VRK1: variants seen among roughly 807,000 people sequenced by gnomAD.
VRK1 encodes VRK serine/threonine kinase 1, also known as serine/threonine-protein kinase VRK1.
A neutral mutation model predicts 57.1 loss-of-function variants in VRK1; 33 were observed. That is an observed-to-expected ratio of 0.58 (90% CI 0.44 to 0.77). VRK1 has a LOEUF of 0.77. VRK1 is among the 30% of genes least tolerant of loss of function. VRK1 has a pLI of 0.00. For missense variants in VRK1, 413 were observed against 477.3 expected (o/e 0.87, Z 1.25); for synonymous variants, 137 against 147.8 (o/e 0.93, Z 0.53).
chr14:96,844,733 G>T (rs374110218), intron 3 of VRK1, among the ~76,000 whole-genome samples: 4 of 152,148 alleles, frequency 2.6e-5, no homozygotes, highest in African/African-American at 9.6e-5. Context: ...GTAGAGATGG[G>T]GTTTCACCAT....
At chr14:96,873,132 T>A (rs1336193086) in intron 11 of VRK1, among the ~76,000 whole-genome samples, 1 of 152,190 alleles carries the variant, frequency 6.6e-6, no homozygotes, top group East Asian at 1.9e-4. Context: ...GATTGGCTTT[T>A]CTTAGAAGCT....
chr14:96,824,401 A>G (rs1886719766), intron 1 of VRK1, among the ~76,000 whole-genome samples: 1 of 152,238 alleles, frequency 6.6e-6, no homozygotes, highest in Non-Finnish European at 1.5e-5. Flanking sequence ...GAAAGAAAGA[A>G]TGAGCAGTGT....
chr14:96,847,694 A>C (rs1411677889), intron 5 of VRK1, among the ~76,000 whole-genome samples: 1 of 152,204 alleles, frequency 6.6e-6, no homozygotes, highest in East Asian at 1.9e-4. Flanking sequence ...TCTGTTCTTC[A>C]TGCAAAAGGG....
In VRK1 at chr14:96,876,109, C is replaced by G; in HGVS notation, c.1148C>G (p.Ala383Gly). ...TEWSNTQTEEAIQTRSRTRKR... is the reference protein window; with the variant it reads ...TEWSNTQTEEGIQTRSRTRKR... ...TGGTCAAACACACAGACAGAGGAGG[C>G]CATACAGACCCGTAAGTTGAACAGT... The change falls in exon 12 of 13, where the codon GCC (alanine) becomes GGC (glycine). Residue 383 changes from alanine (A) to glycine (G), a missense_variant. Physicochemically the swap from Ala to Gly is moderately conservative, Grantham distance 60. Transcript: ENST00000216639. The G allele has an allele frequency of 6.2e-7, 1 of 1,613,514 alleles. No homozygotes were observed. Among genetic ancestry groups the G allele is most frequent in the African/African-American group, 1.3e-5 (1 of 75,024 alleles).
chr14:96,852,769 C>A, intron 5 of VRK1, 62 bp from the exon 6 acceptor site: 1 of 1,173,302 alleles, frequency 8.5e-7, no homozygotes, highest in Non-Finnish European at 1.3e-6. Context: ...TGAGAGTACT[C>A]ATTACAAAGT....
intron 1 of VRK1, among the ~76,000 whole-genome samples, chr14:96,797,714 A>G (rs897892502): frequency 3.3e-5 from 5 of 152,114 alleles, no homozygotes; most frequent in Non-Finnish European, 4.4e-5. Flanking sequence ...GCCGGCCCCC[A>G]TCTGAGCTCC....
At chr14:96,832,063 C>T (rs186530000) in intron 1 of VRK1, among the ~76,000 whole-genome samples, 2 of 152,032 alleles carry the variant, frequency 1.3e-5, no homozygotes, top group African/African-American at 4.8e-5. Flanking sequence ...TTTTTGTTAA[C>T]TTAGAGAAGA....
chr14:96,832,083 C>T (rs145329105), intron 1 of VRK1, among the ~76,000 whole-genome samples: 4 of 150,856 alleles, frequency 2.7e-5, no homozygotes, highest in Non-Finnish European at 5.9e-5. Context: ...ATTTAGACAG[C>T]GAAGATGCAT....
At chr14:96,863,405 G>T (rs1888464122) in intron 11 of VRK1, among the ~76,000 whole-genome samples, 1 of 152,138 alleles carries the variant, frequency 6.6e-6, no homozygotes, top group Admixed American at 6.5e-5. Context: ...AATGACATGT[G>T]GTCCCATTCT....
rs1887997522 is a variant in VRK1, at chr14:96,852,689, T to G, written c.375-142T>G. 5 of 706,492 alleles carry G rather than the reference T, an allele frequency of 7.1e-6. No homozygotes were observed. In the South Asian group the frequency reaches 8.0e-5, roughly 11 times the overall value. The allele number at this position is 706,492 out of a possible 1,614,324, so 43.8% of individuals were successfully genotyped here. ...TTTGAGATTTCTAGTTGGGAGAAATTGTTTCAAATGTTTGTATTTCTTTTT... is the reference window on the plus strand; with the variant it reads ...TTTGAGATTTCTAGTTGGGAGAAATGGTTTCAAATGTTTGTATTTCTTTTT... On this transcript the variant is annotated intron_variant, in intron 5 of 12. Transcript: ENST00000216639.
At chr14:96,858,605 A>G (rs1888261221) in intron 10 of VRK1, among the ~76,000 whole-genome samples, 1 of 152,056 alleles carries the variant, frequency 6.6e-6, no homozygotes, top group African/African-American at 2.4e-5. Context: ...TCCTATCCCC[A>G]TATTTATATC....
intron 3 of VRK1, among the ~76,000 whole-genome samples, chr14:96,843,398 A>G (rs1887546096): frequency 6.6e-6 from 1 of 152,208 alleles, no homozygotes; most frequent in Non-Finnish European, 1.5e-5. Context: ...TGTATTTCAC[A>G]GTTCCTTGGA....
chr14:96,836,358 T>C (rs1887212108), intron 2 of VRK1, among the ~76,000 whole-genome samples: 1 of 152,092 alleles, frequency 6.6e-6, no homozygotes, highest in African/African-American at 2.4e-5. Flanking sequence ...CCCCATCTTA[T>C]TCATAGTGAC....
intron 1 of VRK1, among the ~76,000 whole-genome samples, chr14:96,833,138 A>G (rs1212214532): frequency 6.6e-6 from 1 of 152,140 alleles, no homozygotes; most frequent in African/African-American, 2.4e-5. Context: ...TTCTAATTGG[A>G]TGCACCTTTC....
At chr14:96,874,426 G>A (rs573714762) in intron 11 of VRK1, among the ~76,000 whole-genome samples, 46 of 152,172 alleles carry the variant, frequency 3.0e-4, no homozygotes, top group Non-Finnish European at 5.7e-4. Flanking sequence ...TGTAATTATC[G>A]AACCAATCTG....
chr14:96,807,179 C>T lies in VRK1; in HGVS notation c.-6+9732C>T, dbSNP rs141813263. Reference sequence around the variant, plus strand: ...AATCATCTCTGGTTGAGAACCACTGCTCTAGAGACAGCCTATCCTATTTTT... The same window carrying T: ...AATCATCTCTGGTTGAGAACCACTGTTCTAGAGACAGCCTATCCTATTTTT... On this transcript the variant is annotated intron_variant, in intron 1 of 12. Coordinates refer to ENST00000216639, the MANE Select transcript of VRK1 (RefSeq NM_003384.3). 1.4e-4 allele frequency among the ~76,000 whole-genome samples: 21 copies of T among 152,338 alleles called. No individual in the cohort carries two copies. The South Asian group carries it at 1.9e-3, about 14-fold the overall frequency.
intron 11 of VRK1, among the ~76,000 whole-genome samples, chr14:96,868,694 A>AGG (rs996180883): frequency 6.6e-6 from 1 of 152,188 alleles, no homozygotes; most frequent in Non-Finnish European, 1.5e-5. Context: ...AAGTAATGAA[A>AGG]GGACATGCTT....
intron 4 of VRK1, 121 bp from the exon 5 acceptor site, chr14:96,847,136 T>C (rs1366763581): frequency 1.3e-6 from 1 of 742,656 alleles, no homozygotes; most frequent in Non-Finnish European, 2.3e-6. Flanking sequence ...TCATTTTCTT[T>C]TTTATGAATA....
At chr14:96,845,572 C>T (rs1887650201) in intron 3 of VRK1, among the ~76,000 whole-genome samples, 2 of 152,114 alleles carry the variant, frequency 1.3e-5, no homozygotes, top group Non-Finnish European at 2.9e-5. Context: ...GTGGACAGTG[C>T]ATGCTTGTTC....
Sources: gnomAD v4.1 joint callset for allele counts (sites outside exome capture counted in the v4.1 genomes callset) on GRCh38, gnomAD v4.1.1 for gene constraint, MANE v1.5 for transcripts, NCBI Gene and HGNC (gene_info 2026-07-23, HGNC 2026-07-21) for gene names.